The following ACOXL variants were observed in gnomAD, a reference collection of about 807,000 sequenced individuals.
ACOXL encodes acyl-coenzyme A oxidase-like protein.
Under a neutral mutation model 71.9 loss-of-function variants are expected in ACOXL, and 70 were observed. The ratio of observed to expected loss-of-function variants is 0.97; its 90% CI spans 0.80 to 1.19. The LOEUF (loss-of-function observed/expected upper bound fraction) is 1.19. ACOXL is among the 50% of genes most tolerant of loss of function. The pLI is 0.00. For synonymous variants in ACOXL, 253 were observed against 281.6 expected (o/e 0.90, Z 1.02); for missense variants, 703 against 736.3 (o/e 0.95, Z 0.52).
At chr2:110,841,297 A>G (rs1691145761) in intron 9 of ACOXL, 74 bp from the exon 10 acceptor site, 2 of 1,130,158 alleles carry the variant, frequency 1.8e-6, no homozygotes, top group Non-Finnish European at 2.6e-6. Flanking sequence ...TGGCCGTATC[A>G]AGTTAATTTT....
At chr2:111,043,279 A>G (rs2065869391) in intron 15 of ACOXL, among the ~76,000 whole-genome samples, 1 of 152,202 alleles carries the variant, frequency 6.6e-6, no homozygotes, top group Non-Finnish European at 1.5e-5. Flanking sequence ...GACTGGCTGC[A>G]CCATGACTGC....
At chr2:111,043,856 C>T (rs2065897702) in intron 15 of ACOXL, among the ~76,000 whole-genome samples, 1 of 152,226 alleles carries the variant, frequency 6.6e-6, no homozygotes, top group Non-Finnish European at 1.5e-5. Flanking sequence ...CTCATCTTCA[C>T]TGTAGGTATC....
intron 13 of ACOXL, among the ~76,000 whole-genome samples, chr2:110,988,300 G>T (rs914093268): frequency 6.6e-6 from 1 of 152,034 alleles, no homozygotes; most frequent in African/African-American, 2.4e-5. Context: ...AATTAGCCAG[G>T]CGTGGTGGCA....
intron 1 of ACOXL, among the ~76,000 whole-genome samples, chr2:110,759,962 T>C (rs1348343529): frequency 6.6e-6 from 1 of 152,048 alleles, no homozygotes; most frequent in Non-Finnish European, 1.5e-5. Context: ...TTATTACTTT[T>C]GCAAGTGGGA....
In ACOXL at chr2:110,937,998, C is replaced by T. The variant is rs530068769; in HGVS notation, c.1059+4356C>T. 8.5e-5 allele frequency among the ~76,000 whole-genome samples: 13 copies of T among 152,306 alleles called. No homozygotes were observed. The South Asian group carries it at 2.3e-3, about 27-fold the overall frequency. On this transcript the variant is annotated intron_variant, in intron 12 of 17. Transcript: ENST00000439055. ...GCTGGGGATTTGGAGAAAAGAGATA[C>T]CACATGGTCTCTTTTGCTTGCCATT...
At chr2:110,780,588 A>G (rs1410512320) in intron 2 of ACOXL, among the ~76,000 whole-genome samples, 1 of 152,232 alleles carries the variant, frequency 6.6e-6, no homozygotes, top group Admixed American at 6.5e-5. Flanking sequence ...CTATTCATAG[A>G]TGGAAACCAT....
intron 14 of ACOXL, among the ~76,000 whole-genome samples, chr2:111,027,109 C>T (rs977048252): frequency 3.3e-5 from 5 of 151,978 alleles, no homozygotes; most frequent in African/African-American, 1.2e-4. Flanking sequence ...GTTGCCCAGG[C>T]TGGTCTTGAA....
chr2:111,084,300 CACACACACAA>C (rs1198184305), intron 16 of ACOXL, among the ~76,000 whole-genome samples: 5 of 139,558 alleles, frequency 3.6e-5, no homozygotes, highest in African/African-American at 1.3e-4. Flanking sequence ...CACACACACA[CACACACACAA>C]GAAGTGGAAG....
At chr2:110,885,471 G>C (rs984699335) in intron 10 of ACOXL, among the ~76,000 whole-genome samples, 1 of 151,768 alleles carries the variant, frequency 6.6e-6, no homozygotes, top group African/African-American at 2.4e-5. Context: ...TAAATTGTCA[G>C]CATTATTATT....
At chr2:110,822,192 GA>G (rs1688692185) in intron 9 of ACOXL, among the ~76,000 whole-genome samples, 1 of 151,552 alleles carries the variant, frequency 6.6e-6, no homozygotes, top group Non-Finnish European at 1.5e-5. Flanking sequence ...ATAAGCCAAG[GA>G]AATATATGTG....
At chr2:110,749,363 A>C (rs1678631229) in intron 1 of ACOXL, among the ~76,000 whole-genome samples, 1 of 152,196 alleles carries the variant, frequency 6.6e-6, no homozygotes, top group Admixed American at 6.5e-5. Flanking sequence ...TAGTACAGAG[A>C]TTTGCCATAT....
At position 110,779,553 on chromosome 2, in the gene ACOXL, C is replaced by A. The variant is rs188968228; in HGVS notation, c.76-5179C>A. 1.4e-3 allele frequency among the ~76,000 whole-genome samples: 208 copies of A among 152,306 alleles called. 1 individual carries two copies. The highest frequency in any genetic ancestry group is 0.01 in the Middle Eastern group (3 of 294). ...TAAAAAAGGACAAAGTTAGAAGACT[C>A]ACTACATGACTTCAGCCCTTATATT... On this transcript the variant is annotated intron_variant, in intron 2 of 17. Transcript: ENST00000439055.
intron 9 of ACOXL, among the ~76,000 whole-genome samples, chr2:110,810,590 TC>T (rs904178618): frequency 2.6e-4 from 39 of 151,934 alleles, no homozygotes; most frequent in African/African-American, 8.7e-4. Flanking sequence ...TCATTCATCA[TC>T]CATGCATCAT....
intron 11 of ACOXL, among the ~76,000 whole-genome samples, chr2:110,918,356 A>G (rs2059940108): frequency 6.6e-6 from 1 of 152,252 alleles, no homozygotes; most frequent in African/African-American, 2.4e-5. Context: ...GGCTAGCCAT[A>G]TACAGAAAAC....
intron 12 of ACOXL, among the ~76,000 whole-genome samples, chr2:110,940,761 C>G (rs962632558): frequency 3.3e-5 from 5 of 152,230 alleles, no homozygotes; most frequent in South Asian, 2.1e-4. Context: ...TAGGAAATCA[C>G]GAGAAAGTCT....
chr2:110,873,677 C>T (rs2149052927), intron 10 of ACOXL, among the ~76,000 whole-genome samples: 1 of 152,246 alleles, frequency 6.6e-6, no homozygotes, highest in African/African-American at 2.4e-5. Flanking sequence ...CTGCTCATCC[C>T]TCAAATTGCC....
At chr2:111,027,053 C>T (rs1352395303) in intron 14 of ACOXL, among the ~76,000 whole-genome samples, 10 of 152,060 alleles carry the variant, frequency 6.6e-5, no homozygotes, top group African/African-American at 1.9e-4. Context: ...CCCACCATCA[C>T]GCCCAGCTAA....
chr2:110,984,277 A>G (rs1488989872), intron 12 of ACOXL, among the ~76,000 whole-genome samples: 1 of 152,188 alleles, frequency 6.6e-6, no homozygotes, highest in African/African-American at 2.4e-5. Context: ...ACACACACAC[A>G]TATATACTAC....
At chr2:110,828,784 T>A (rs548674506) in intron 9 of ACOXL, among the ~76,000 whole-genome samples, 1 of 151,834 alleles carries the variant, frequency 6.6e-6, no homozygotes, top group African/African-American at 2.4e-5. Context: ...TTTGGGGAGC[T>A]CTGAGGAATC....
Sources: allele counts gnomAD v4.1 joint callset (sites outside exome capture counted in the v4.1 genomes callset), GRCh38; gene constraint gnomAD v4.1.1; transcripts MANE v1.5; gene names NCBI Gene and HGNC (gene_info 2026-07-23, HGNC 2026-07-21).